The following ABCA3 variants were observed in gnomAD, a reference collection of about 807,000 sequenced individuals.
ABCA3 encodes the protein phospholipid-transporting ATPase ABCA3.
Under a neutral mutation model 172.8 loss-of-function variants are expected in ABCA3, and 88 were observed. The ratio of observed to expected loss-of-function variants is 0.51; its 90% CI spans 0.43 to 0.61. ABCA3 has a LOEUF of 0.61. ABCA3 is among the 20% of genes least tolerant of loss of function. The pLI is 0.00. For missense variants in ABCA3, 2,164 were observed against 2,301.0 expected (o/e 0.94, Z 1.22); for synonymous variants, 1,066 against 983.8 (o/e 1.08, Z -1.56).
rs1233043384 is a variant in ABCA3 at position 2,285,561 on chromosome 16, C to T, written c.3364G>A (p.Glu1122Lys). 3.8e-6 allele frequency: 6 copies of T among 1,582,164 alleles called. No individual in the cohort carries two copies. Among genetic ancestry groups the T allele is most frequent in the Non-Finnish European group, 4.3e-6 (5 of 1,163,680 alleles). The change falls in exon 23 of 33, where the codon GAG becomes AAG. Residue 1122 changes from glutamate to lysine, a missense_variant. Glu to Lys is a moderately conservative substitution (Grantham distance 56, BLOSUM62 1). Around this residue, in one of 3 missense-constraint regions of ABCA3, gnomAD observed 795 missense variants for 881.9 expected, o/e 0.90. Transcript: ENST00000301732. This position sits in a 1 kb window ranked among gnomAD's most constrained non-coding sequence, Gnocchi z 4.7. The part of the protein sequence containing the change: ...ASTFSILAVS[E>K]RAVQAKHVQF... ...ACATGCTTGGCCTGCACGGCCCTCT[C>T]GCTGACCGCCAGGATGGAGAACGTG... is the stretch of plus-strand genomic sequence containing the variant.
chr16:2,314,725 T>C (rs1299479277), intron 10 of ABCA3, among the ~76,000 whole-genome samples: 5 of 150,268 alleles, frequency 3.3e-5, no homozygotes, highest in Non-Finnish European at 7.4e-5. Flanking sequence ...TACAGGCATG[T>C]GCCACCACAC....
At position 2,279,251 on chromosome 16, in the gene ABCA3, G is replaced by C. The variant is rs1429924115; in HGVS notation, c.4360-121C>G. On this transcript the variant is annotated intron_variant, in intron 28 of 32. Transcript: ENST00000301732. This position sits in a 1 kb window ranked among gnomAD's most constrained non-coding sequence, Gnocchi z 4.4. Reference sequence around the variant, plus strand: ...GCGCCTGTCTGTGGTTCCTGCCAGTGTGTGTACACGGGGGCGCTGGAGCTA... The same window carrying C: ...GCGCCTGTCTGTGGTTCCTGCCAGTCTGTGTACACGGGGGCGCTGGAGCTA... The C allele has an allele frequency of 8.3e-7, 1 of 1,199,052 alleles. No individual in the cohort carries two copies. Among genetic ancestry groups the C allele is most frequent in the Non-Finnish European group, 1.2e-6 (1 of 845,342 alleles). 74.3% of individuals were successfully genotyped at this position (1,199,052 alleles called of 1,614,324 possible).
At position 2,295,646 on chromosome 16, in the gene ABCA3, C is replaced by T; in HGVS notation, c.2358G>A (p.Leu786=). 1.2e-6 allele frequency: 2 copies of T among 1,614,070 alleles called. No individual in the cohort carries two copies. Among genetic ancestry groups the T allele is most frequent in the Non-Finnish European group, 1.7e-6 (2 of 1,180,052 alleles). The part of the protein sequence containing the change: ...LVHHHVPNAT[L]ESSAGAELSF... Reference sequence around the variant, plus strand: ...ACAGCTCGGCCCCAGCGCTGCTCTCCAGCGTGGCGTTGGGCACGTGGTGGT... The same window carrying T: ...ACAGCTCGGCCCCAGCGCTGCTCTCTAGCGTGGCGTTGGGCACGTGGTGGT... Residue 786 remains leucine, a synonymous_variant, in exon 18 of 33, where the codon CTG becomes CTA. Coordinates refer to ENST00000301732, the MANE Select transcript of ABCA3 (RefSeq NM_001089.3).
chr16:2,288,264 C>T lies in ABCA3; in HGVS notation c.2766G>A (p.Glu922=). ...FLKKAAYSWR[E]WKMVAAQVLV... ...GGACCTGTGCCGCCACCATTTTCCA[C>T]TCGCGCCAGCTGTATGCGGCCTTCT... The change falls in exon 21 of 33, where the codon GAG becomes GAA. Residue 922 remains glutamate, a synonymous_variant. Transcript: ENST00000301732. 5.0e-6 allele frequency: 8 copies of T among 1,588,332 alleles called. No individual in the cohort carries two copies. Among genetic ancestry groups the T allele is most frequent in the Non-Finnish European group, 6.9e-6 (8 of 1,167,720 alleles).
intron 8 of ABCA3, 80 bp from the exon 9 acceptor site, chr16:2,317,844 G>A: frequency 4.6e-6 from 6 of 1,314,738 alleles, no homozygotes; most frequent in Non-Finnish European, 6.6e-6. Flanking sequence ...ACGGCAGCAG[G>A]CCTGAGTCCG....
chr16:2,326,627 C>T (rs2093734865), intron 3 of ABCA3, 135 bp from the exon 4 acceptor site: 5 of 955,624 alleles, frequency 5.2e-6, no homozygotes, highest in Non-Finnish European at 8.1e-6. Flanking sequence ...CCAAACACCC[C>T]TGGAGGGAAG....
rs530724721 is a variant in ABCA3 at position 2,283,549 on chromosome 16, G to A, written c.3863-191C>T. 2.2e-5 allele frequency: 14 copies of A among 635,318 alleles called. No homozygotes were observed. Among genetic ancestry groups the A allele is most frequent in the South Asian group, 1.6e-4 (8 of 51,536 alleles). The allele number at this position is 635,318 out of a possible 1,614,324, so 39.4% of individuals were successfully genotyped here. ...CACAGCTCAGAGAGGGGCCAGGCACGTAACAATCCAATGCAGTCCCATGAG... is the reference window on the plus strand; with the variant it reads ...CACAGCTCAGAGAGGGGCCAGGCACATAACAATCCAATGCAGTCCCATGAG... On this transcript the variant is annotated intron_variant, in intron 25 of 32. Coordinates refer to ENST00000301732, the MANE Select transcript of ABCA3 (RefSeq NM_001089.3). The surrounding 1 kb of genome is among the most constrained non-coding windows in gnomAD (Gnocchi z 5.4).
Position 2,285,490 on chromosome 16 carries a change from A to G in ABCA3, c.3435T>C (p.Ala1145=). ...GGAAGGAGATGAGGTCCCACAGCAGAGCAGAGAGCCAGAAACTGGCCACGT... is the reference window on the plus strand; with the variant it reads ...GGAAGGAGATGAGGTCCCACAGCAGGGCAGAGAGCCAGAAACTGGCCACGT... ...GVHVASFWLS[A]LLWDLISFLI... Residue 1145 remains alanine, a synonymous_variant, in exon 23 of 33, where the codon GCT becomes GCC. Coordinates refer to ENST00000301732, the MANE Select transcript of ABCA3 (RefSeq NM_001089.3). The surrounding 1 kb of genome is among the most constrained non-coding windows in gnomAD (Gnocchi z 4.7). 1 of 1,612,044 alleles carries G rather than the reference A, an allele frequency of 6.2e-7. No individual in the cohort carries two copies. Among genetic ancestry groups the G allele is most frequent in the Non-Finnish European group, 8.5e-7 (1 of 1,179,150 alleles).
intron 12 of ABCA3, among the ~76,000 whole-genome samples, chr16:2,301,900 A>T (rs1216165108): frequency 7.2e-5 from 11 of 152,228 alleles, no homozygotes; most frequent in Admixed American, 7.2e-4. Flanking sequence ...TCTCTGCAGC[A>T]ATGTAACACG....
Position 2,308,581 on chromosome 16 carries a change from G to C in ABCA3, c.1154C>G (p.Thr385Ser). 6.2e-7 allele frequency: 1 copy of C among 1,614,216 alleles called. No individual in the cohort carries two copies. ...GGCCACGAAGAAGTAGGGGATGTAGGTGAAGAAGTAGAGGAAGCCTCCGAA... is the reference window on the plus strand; with the variant it reads ...GGCCACGAAGAAGTAGGGGATGTAGCTGAAGAAGTAGAGGAAGCCTCCGAA... ...AAFGGFLYFF[T>S]YIPYFFVAPR... The change falls in exon 11 of 33, where the codon ACC (threonine) becomes AGC (serine). Residue 385 changes from threonine to serine, a missense_variant. Coordinates refer to ENST00000301732, the MANE Select transcript of ABCA3 (RefSeq NM_001089.3).
chr16:2,281,509 T>A lies in ABCA3; in HGVS notation c.4036A>T (p.Thr1346Ser), dbSNP rs1208444167. The stretch of plus-strand genomic sequence containing the variant: ...ACAGGCATCCGGGTGTATAATTCTG[T>A]CTGATTGACCAGGACAAAGACCGCA... The part of the protein sequence containing the change: ...LCALRRRRTL[T>S]ELYTRMPVLP... Residue 1346 changes from threonine to serine, a missense_variant and splice_region_variant, in exon 27 of 33, where the codon ACA (threonine) becomes TCA (serine). Physicochemically the swap from Thr to Ser is moderately conservative, Grantham distance 58. Transcript: ENST00000301732. The surrounding 1 kb of genome is among the most constrained non-coding windows in gnomAD (Gnocchi z 4.7). 1.2e-6 allele frequency: 2 copies of A among 1,611,806 alleles called. No individual in the cohort carries two copies. The highest frequency in any genetic ancestry group is 1.7e-6 in the Non-Finnish European group (2 of 1,179,774).
At position 2,319,719 on chromosome 16, in the gene ABCA3, G is replaced by T. The variant is rs371345421; in HGVS notation, c.735C>A (p.Phe245Leu). Reference protein sequence around the residue: ...FQRLTVTIKRFPYPPFIADPF... With the variant: ...FQRLTVTIKRLPYPPFIADPF... Reference sequence around the variant, plus strand: ...GGTCTGCGATGAACGGCGGGTACGGGAACCTCTTGATGGTCACCGTCAGTC... The same window carrying T: ...GGTCTGCGATGAACGGCGGGTACGGTAACCTCTTGATGGTCACCGTCAGTC... Residue 245 changes from phenylalanine (F) to leucine (L), a missense_variant, in exon 8 of 33, where the codon TTC becomes TTA. This residue lies in a region of ABCA3 where 1,343 missense variants were observed against 1,369.6 expected (regional missense o/e 0.98). Coordinates refer to ENST00000301732, the MANE Select transcript of ABCA3 (RefSeq NM_001089.3). 3.7e-6 allele frequency: 6 copies of T among 1,613,720 alleles called. No homozygotes were observed. In the African/African-American group the frequency reaches 8.0e-5, roughly 22 times the overall value.
At chr16:2,290,713 G>A (rs906526932) in intron 19 of ABCA3, among the ~76,000 whole-genome samples, 4 of 152,144 alleles carry the variant, frequency 2.6e-5, no homozygotes, top group African/African-American at 9.7e-5. Context: ...TCCCTCCGCC[G>A]CCTTGCCTGG....
At position 2,315,112 on chromosome 16, in the gene ABCA3, T is replaced by C. The variant is rs1010617418; in HGVS notation, c.1111+2171A>G. Among the ~76,000 whole-genome samples, 5 of 151,436 alleles carry C rather than the reference T, an allele frequency of 3.3e-5. 1 individual carries two copies. The South Asian group carries it at 6.3e-4, about 19-fold the overall frequency. On this transcript the variant is annotated intron_variant, in intron 10 of 32. Transcript: ENST00000301732. ...GTTGGCCAGGATGGTCTCAATCTCCTGACCTCATGATCCACCCGCCTCGGC... is the reference window on the plus strand; with the variant it reads ...GTTGGCCAGGATGGTCTCAATCTCCCGACCTCATGATCCACCCGCCTCGGC...
At chr16:2,301,097 G>C (rs2093688535) in intron 12 of ABCA3, among the ~76,000 whole-genome samples, 1 of 151,546 alleles carries the variant, frequency 6.6e-6, no homozygotes, top group Admixed American at 6.6e-5. Flanking sequence ...CGGGCGTGGT[G>C]GTGGGCGCCT....
chr16:2,335,556 T>C (rs1166481599), intron 1 of ABCA3, among the ~76,000 whole-genome samples: 2 of 152,116 alleles, frequency 1.3e-5, no homozygotes, highest in African/African-American at 4.8e-5. Flanking sequence ...TGGCATGCGA[T>C]ACCACACCCT....
intron 18 of ABCA3, among the ~76,000 whole-genome samples, chr16:2,292,530 T>C (rs1261231082): frequency 6.6e-6 from 1 of 151,024 alleles, no homozygotes; most frequent in Non-Finnish European, 1.5e-5. Context: ...ACCCAGGAGG[T>C]GGAGGCTGCA....
In ABCA3 at chr16:2,283,320, G is replaced by A; in HGVS notation, c.3901C>T (p.Pro1301Ser). 6.2e-7 allele frequency: 1 copy of A among 1,613,168 alleles called. No individual in the cohort carries two copies. The change falls in exon 26 of 33, where the codon CCG (proline) becomes TCG (serine). Residue 1301 changes from proline to serine, a missense_variant. Pro to Ser is a moderately conservative substitution (Grantham distance 74). This residue lies in a region of ABCA3 where 795 missense variants were observed against 881.9 expected (regional missense o/e 0.90). Coordinates refer to ENST00000301732, the MANE Select transcript of ABCA3 (RefSeq NM_001089.3). This position sits in a 1 kb window ranked among gnomAD's most constrained non-coding sequence, Gnocchi z 5.4. Reference protein sequence around the residue: ...YQENFYAWSAPGVGRFVASMA... With the variant: ...YQENFYAWSASGVGRFVASMA... ...GAGGCCACAAACCGGCCGACCCCCGGGGCGCTCCAGGCATAGAAGTTCTCC... is the reference window on the plus strand; with the variant it reads ...GAGGCCACAAACCGGCCGACCCCCGAGGCGCTCCAGGCATAGAAGTTCTCC...
intron 11 of ABCA3, among the ~76,000 whole-genome samples, chr16:2,307,016 C>CAAAA (rs201661615): frequency 9.9e-4 from 65 of 65,986 alleles, no homozygotes; most frequent in African/African-American, 2.2e-3. Context: ...GACTCCGTCT[C>CAAAA]AAAAAAAAAA....
Sources: allele counts gnomAD v4.1 joint callset (sites outside exome capture counted in the v4.1 genomes callset), GRCh38; gene constraint gnomAD v4.1.1; regional missense constraint gnomAD v4.1.1; non-coding constraint Gnocchi (gnomAD v3.1); transcripts MANE v1.5; gene names NCBI Gene and HGNC (gene_info 2026-07-23, HGNC 2026-07-21).